The following WNT10A variants were observed in gnomAD, a reference collection of about 807,000 sequenced individuals.
The protein encoded by WNT10A is Wnt family member 10A.
A neutral mutation model predicts 36.1 loss-of-function variants in WNT10A; 37 were observed. The observed-to-expected ratio is 1.02, with a 90% confidence interval of 0.79 to 1.35. The LOEUF is 1.35. Among genes scored for constraint, WNT10A ranks in the 40% most tolerant of loss-of-function variants. The pLI is 0.00. For missense variants in WNT10A, 613 were observed against 601.4 expected (o/e 1.02, Z -0.20); for synonymous variants, 255 against 254.1 (o/e 1.00, Z -0.03).
chr2:218,878,971 T>A (rs1416590303), upstream of WNT10A, among the ~76,000 whole-genome samples: 1 of 151,964 alleles, frequency 6.6e-6, no homozygotes, highest in Non-Finnish European at 1.5e-5. This position sits in a 1 kb window ranked among gnomAD's most constrained non-coding sequence, Gnocchi z 4.1. Context: ...GTAGGGAGAG[T>A]GGGGAGGGCA....
intron 2 of WNT10A, among the ~76,000 whole-genome samples, chr2:218,889,292 T>C (rs1944617340): frequency 6.6e-6 from 1 of 152,270 alleles, no homozygotes; most frequent in Admixed American, 6.5e-5. Context: ...CCATGGCATA[T>C]TTATACTGCA....
chr2:218,892,619 A>G (rs1451341153), intron 3 of WNT10A, among the ~76,000 whole-genome samples, 155 bp from the exon 4 acceptor site: 1 of 152,180 alleles, frequency 6.6e-6, no homozygotes, highest in African/African-American at 2.4e-5. Flanking sequence ...CAGGTACAGA[A>G]GTTCTTCTGA....
chr2:218,884,192 T>C (rs1297329639), intron 2 of WNT10A: 2 of 152,614 alleles, frequency 1.3e-5, no homozygotes, highest in East Asian at 1.9e-4. Context: ...GCTCGCTGGG[T>C]CAGGCCCGCG....
Position 218,890,228 on chromosome 2 carries a change from C to A in WNT10A, c.621C>A (p.Asp207Glu). The A allele has an allele frequency of 6.2e-7, 1 of 1,614,008 alleles. No individual in the cohort carries two copies. The highest frequency in any genetic ancestry group is 2.2e-5 in the East Asian group (1 of 44,888). Residue 207 changes from aspartate to glutamate, a missense_variant, in exon 3 of 4, where the codon GAC becomes GAA. Asp to Glu is a conservative substitution (Grantham distance 45, BLOSUM62 2). Coordinates refer to ENST00000258411, the MANE Select transcript of WNT10A (RefSeq NM_025216.3). ...ALPTASPGLQ[D>E]SWEWGGCSPD... ...CCACAGCCAGCCCAGGCCTGCAGGACTCCTGGGAGTGGGGCGGCTGCAGCC... is the reference window on the plus strand; with the variant it reads ...CCACAGCCAGCCCAGGCCTGCAGGAATCCTGGGAGTGGGGCGGCTGCAGCC...
chr2:218,888,477 G>A (rs1471855879), intron 2 of WNT10A, among the ~76,000 whole-genome samples: 1 of 152,222 alleles, frequency 6.6e-6, no homozygotes, highest in African/African-American at 2.4e-5. Flanking sequence ...TGAACATCTG[G>A]TGGAAGGTAT....
the WNT10A span, among the ~76,000 whole-genome samples, chr2:218,875,405 C>T: frequency 8.6e-5 from 13 of 151,482 alleles, no homozygotes; most frequent in South Asian, 2.1e-4. Flanking sequence ...TTAGCCAAGA[C>T]GGTCTTGATC....
At chr2:218,874,680 C>T in the WNT10A span, among the ~76,000 whole-genome samples, 1 of 152,150 alleles carries the variant, frequency 6.6e-6, no homozygotes, top group African/African-American at 2.4e-5. Flanking sequence ...TCCAACTTTC[C>T]TCCAGTCCAA....
At chr2:218,888,775 G>C (rs1011358249) in intron 2 of WNT10A, among the ~76,000 whole-genome samples, 1 of 152,310 alleles carries the variant, frequency 6.6e-6, no homozygotes, top group South Asian at 2.1e-4. Context: ...GGCTATCTTG[G>C]GGCAGGGAGC....
chr2:218,892,954 G>C lies in WNT10A; in HGVS notation c.937G>C (p.Gly313Arg), dbSNP rs1018397067. The part of the protein sequence containing the change: ...HNRNGGQLEP[G>R]PAGAPSPAPG... The stretch of plus-strand genomic sequence containing the variant: ...CCGCAACGGCGGCCAGCTGGAGCCG[G>C]GCCCAGCGGGGGCACCCTCGCCGGC... Residue 313 changes from glycine (G) to arginine (R), a missense_variant, in exon 4 of 4, where the codon GGC becomes CGC. Transcript: ENST00000258411. 6.9e-7 allele frequency: 1 copy of C among 1,442,780 alleles called. No homozygotes were observed. Among genetic ancestry groups the C allele is most frequent in the East Asian group, 2.9e-5 (1 of 34,448 alleles). 89.4% of individuals were successfully genotyped at this position (1,442,780 alleles called of 1,614,324 possible).
At position 218,893,124 on chromosome 2, in the gene WNT10A, G is replaced by T. The variant is rs1944677167; in HGVS notation, c.1107G>T (p.Ser369=). The T allele has an allele frequency of 6.3e-7, 1 of 1,594,114 alleles. No homozygotes were observed. The highest frequency in any genetic ancestry group is 8.5e-7 in the Non-Finnish European group (1 of 1,177,894). The change falls in exon 4 of 4, where the codon TCG becomes TCT. Residue 369 remains serine (S), a synonymous_variant. Coordinates refer to ENST00000258411, the MANE Select transcript of WNT10A (RefSeq NM_025216.3). This position sits in a 1 kb window ranked among gnomAD's most constrained non-coding sequence, Gnocchi z 6.3. ...TGTGCAACAAGAGCAGCGCCGGCTC[G>T]GATGGCTGCGGCAGCATGTGCTGCG... ...GRLCNKSSAG[S]DGCGSMCCGR...
Position 218,893,275 on chromosome 2 carries a change from G to T in WNT10A, c.*4G>T. 2 of 1,545,184 alleles carry T rather than the reference G, an allele frequency of 1.3e-6. No homozygotes were observed. Among genetic ancestry groups the T allele is most frequent in the Non-Finnish European group, 1.7e-6 (2 of 1,151,484 alleles). On this transcript the variant is annotated 3_prime_UTR_variant, in exon 4 of 4. Transcript: ENST00000258411. This position sits in a 1 kb window ranked among gnomAD's most constrained non-coding sequence, Gnocchi z 6.3. ...GTGGGTCAGCGTCTGCAAGTGAGCGGCCCGGGGTCCCCTGGGCCCTGATCG... is the reference window on the plus strand; with the variant it reads ...GTGGGTCAGCGTCTGCAAGTGAGCGTCCCGGGGTCCCCTGGGCCCTGATCG...
chr2:218,887,887 T>C lies in WNT10A; in HGVS notation c.377-2097T>C, dbSNP rs149286732. 9.5e-4 allele frequency among the ~76,000 whole-genome samples: 145 copies of C among 152,344 alleles called. 1 individual carries two copies. The highest frequency in any genetic ancestry group is 7.3e-3 in the Admixed American group (112 of 15,300). On this transcript the variant is annotated intron_variant, in intron 2 of 3. Coordinates refer to ENST00000258411, the MANE Select transcript of WNT10A (RefSeq NM_025216.3). Reference sequence around the variant, plus strand: ...CTTGGAACAACAATGAGGCAGATAATAGCTCTATTTTATAGGTAAGGAAAC... The same window carrying C: ...CTTGGAACAACAATGAGGCAGATAACAGCTCTATTTTATAGGTAAGGAAAC...
At chr2:218,883,772 G>A (rs1381625806) in intron 2 of WNT10A, 1 of 122,436 alleles carries the variant, frequency 8.2e-6, no homozygotes, top group Non-Finnish European at 1.7e-5. Flanking sequence ...CCCTCCAGCC[G>A]TCCAGAAGCG....
At chr2:218,881,833 T>G (rs1944520338) in intron 1 of WNT10A, among the ~76,000 whole-genome samples, 1 of 152,116 alleles carries the variant, frequency 6.6e-6, no homozygotes, top group East Asian at 1.9e-4. Context: ...TCTGTGGGAG[T>G]GGGCTTGTGG....
At chr2:218,878,335 C>T (rs546872360), upstream of WNT10A, among the ~76,000 whole-genome samples, 4 of 152,306 alleles carry the variant, frequency 2.6e-5, 1 homozygote, top group African/African-American at 9.6e-5. This position sits in a 1 kb window ranked among gnomAD's most constrained non-coding sequence, Gnocchi z 4.1. Flanking sequence ...ACCCTCCTGA[C>T]ACCAGGGCAG....
intron 2 of WNT10A, 95 bp downstream of exon 2, chr2:218,882,518 G>A (rs1472461560): frequency 2.7e-6 from 4 of 1,504,154 alleles, no homozygotes; most frequent in South Asian, 1.2e-5. Flanking sequence ...CCTCAAGCTG[G>A]CATCCTCCCA....
At chr2:218,874,603 C>T in the WNT10A span, among the ~76,000 whole-genome samples, 1 of 152,182 alleles carries the variant, frequency 6.6e-6, no homozygotes, top group South Asian at 2.1e-4. Flanking sequence ...AGAGCTGAAG[C>T]TTGAGCTCTC....
At chr2:218,875,948 T>C (rs1197419240), upstream of WNT10A, among the ~76,000 whole-genome samples, 3 of 152,216 alleles carry the variant, frequency 2.0e-5, no homozygotes, top group African/African-American at 7.2e-5. Context: ...GAGGTTAGTC[T>C]GAATTCAGGT....
At chr2:218,876,540 G>T (rs2106008332), upstream of WNT10A, among the ~76,000 whole-genome samples, 1 of 152,232 alleles carries the variant, frequency 6.6e-6, no homozygotes, top group Non-Finnish European at 1.5e-5. Flanking sequence ...TGGCTCCCTT[G>T]GGTCAAATGT....
Sources: allele counts gnomAD v4.1 joint callset (sites outside exome capture counted in the v4.1 genomes callset), GRCh38; gene constraint gnomAD v4.1.1; non-coding constraint Gnocchi (gnomAD v3.1); transcripts MANE v1.5; gene names NCBI Gene and HGNC (gene_info 2026-07-23, HGNC 2026-07-21).